GALNT13: variants seen among roughly 807,000 people sequenced by gnomAD.
The protein encoded by GALNT13 is UDP-GalNAc:polypeptide N-acetylgalactosaminyltransferase 13.
GALNT13 carries 28 observed loss-of-function variants against 64.2 expected under a neutral mutation model. That is an observed-to-expected ratio of 0.44 (90% CI 0.32 to 0.60). GALNT13 has a LOEUF of 0.60. Among genes scored for constraint, GALNT13 ranks in the 20% least tolerant of loss-of-function variants. The pLI is 0.05. For missense variants in GALNT13, 577 were observed against 669.8 expected, an observed-to-expected ratio of 0.86 and a Z score of 1.53; for synonymous variants, 214 against 224.6, an observed-to-expected ratio of 0.95 and a Z score of 0.42.
intron 9 of GALNT13, among the ~76,000 whole-genome samples, chr2:154,349,487 G>T (rs1395296679): frequency 6.6e-6 from 1 of 152,202 alleles, no homozygotes; most frequent in African/African-American, 2.4e-5. Context: ...AACTGGAAAA[G>T]TCAGAATGTT....
the GALNT13 span, among the ~76,000 whole-genome samples, chr2:153,331,367 G>T: frequency 1.3e-5 from 2 of 151,966 alleles, no homozygotes; most frequent in African/African-American, 2.4e-5. Context: ...AGTTCATCTG[G>T]TCTGGGGATT....
At chr2:154,107,751 C>T (rs952979061) in intron 3 of GALNT13, among the ~76,000 whole-genome samples, 2 of 152,022 alleles carry the variant, frequency 1.3e-5, no homozygotes, top group East Asian at 3.9e-4. Flanking sequence ...TGACCATCAA[C>T]TCCAATTCCC....
At chr2:154,025,070 G>A (rs1271463606) in intron 3 of GALNT13, among the ~76,000 whole-genome samples, 7 of 152,200 alleles carry the variant, frequency 4.6e-5, no homozygotes, top group African/African-American at 1.7e-4. Context: ...GCTCAGAGGA[G>A]TACCCAGCCG....
the GALNT13 span, among the ~76,000 whole-genome samples, chr2:153,482,127 C>A: frequency 1.3e-5 from 2 of 152,122 alleles, no homozygotes; most frequent in African/African-American, 2.4e-5. Context: ...CTTAGATTAT[C>A]CCTCCCCAAA....
At chr2:154,019,525 G>A (rs1382443788) in intron 3 of GALNT13, among the ~76,000 whole-genome samples, 4 of 150,494 alleles carry the variant, frequency 2.7e-5, no homozygotes, top group Non-Finnish European at 3.0e-5. Context: ...CAGGAGGATC[G>A]CTTGAACTTG....
At chr2:153,726,699 T>C in the GALNT13 span, among the ~76,000 whole-genome samples, 1 of 152,024 alleles carries the variant, frequency 6.6e-6, no homozygotes, top group Non-Finnish European at 1.5e-5. Context: ...CTCAGCACTT[T>C]GGGAGGCCGA....
chr2:153,345,639 C>CTTTCTTTCTTTCTTT, the GALNT13 span, among the ~76,000 whole-genome samples: 82 of 69,678 alleles, frequency 1.2e-3, no homozygotes, highest in African/African-American at 4.9e-3. Context: ...CTTTCTTTTT[C>CTTTCTTTCTTTCTTT]TTTCTTTCTT....
At chr2:153,649,770 C>T in the GALNT13 span, among the ~76,000 whole-genome samples, 66 of 152,042 alleles carry the variant, frequency 4.3e-4, no homozygotes, top group East Asian at 9.9e-3. Context: ...TATAGTTGAG[C>T]GGTTTTGAGT....
intron 4 of GALNT13, among the ~76,000 whole-genome samples, chr2:154,225,133 T>TAGATGAC (rs1459779313): frequency 0.018 from 1,835 of 101,094 alleles, 16 homozygotes; most frequent in African/African-American, 0.019. Flanking sequence ...GATAGATAGA[T>TAGATGAC]AGATAGATAG....
intron 9 of GALNT13, among the ~76,000 whole-genome samples, chr2:154,393,791 A>G (rs1698911207): frequency 6.6e-6 from 1 of 152,162 alleles, no homozygotes; most frequent in Admixed American, 6.6e-5. Flanking sequence ...ATAAAATGGT[A>G]TGCAAGGCCG....
At position 153,872,073 on chromosome 2, in the gene GALNT13, C is replaced by T. The variant is rs1445510021; in HGVS notation, c.-407C>T. 6.6e-6 allele frequency: 1 copy of T among 152,000 alleles called. No individual in the cohort carries two copies. The highest frequency in any genetic ancestry group is 1.5e-5 in the Non-Finnish European group (1 of 68,002). The allele number at this position is 152,000 out of a possible 1,614,324, so 9.4% of individuals were successfully genotyped here. ...ATGAAGGCCCCTCTCTGGGGCTGGC[C>T]GAGGCTGGAGCCGGCTCCCTCTGCT... is the stretch of plus-strand genomic sequence containing the variant. On this transcript the variant is annotated 5_prime_UTR_variant, in exon 1 of 13. Coordinates refer to ENST00000392825, the MANE Select transcript of GALNT13 (RefSeq NM_052917.4).
the GALNT13 span, among the ~76,000 whole-genome samples, chr2:153,638,439 A>T: frequency 8.1e-5 from 7 of 86,058 alleles, 3 homozygotes; most frequent in African/African-American, 2.4e-4. Flanking sequence ...GGATAGTAAT[A>T]GAAATAGTAA....
At chr2:153,159,389 A>G in the GALNT13 span, 1 of 152,326 alleles carries the variant, frequency 6.6e-6, no homozygotes, top group South Asian at 2.1e-4. Flanking sequence ...CCAGGATACC[A>G]TTGATTTGGA....
At chr2:153,619,684 T>G in the GALNT13 span, among the ~76,000 whole-genome samples, 1 of 152,138 alleles carries the variant, frequency 6.6e-6, no homozygotes, top group African/African-American at 2.4e-5. Context: ...TTATTTCTTC[T>G]TCATGTTTGA....
chr2:153,972,190 T>A (rs1693785913), intron 3 of GALNT13, among the ~76,000 whole-genome samples: 1 of 152,082 alleles, frequency 6.6e-6, no homozygotes, highest in Non-Finnish European at 1.5e-5. Context: ...ATGTTTCTGT[T>A]GTTTTTTTGC....
chr2:153,265,074 CT>C, the GALNT13 span, among the ~76,000 whole-genome samples: 4 of 152,164 alleles, frequency 2.6e-5, no homozygotes, highest in Non-Finnish European at 5.9e-5. Context: ...TTTACTGTCC[CT>C]TCTCTTCTTC....
At chr2:153,678,177 C>A in the GALNT13 span, among the ~76,000 whole-genome samples, 4 of 100,840 alleles carry the variant, frequency 4.0e-5, no homozygotes, top group African/African-American at 6.2e-5. Flanking sequence ...ATATATATAT[C>A]CAATATATCC....
chr2:154,149,892 C>G (rs1192656342), intron 4 of GALNT13, among the ~76,000 whole-genome samples: 1 of 152,174 alleles, frequency 6.6e-6, no homozygotes, highest in Non-Finnish European at 1.5e-5. Flanking sequence ...ATTTGACTTC[C>G]TCTTTTCCTA....
At chr2:153,327,801 C>T in the GALNT13 span, among the ~76,000 whole-genome samples, 10 of 151,970 alleles carry the variant, frequency 6.6e-5, no homozygotes, top group South Asian at 2.1e-4. Context: ...TCTGTCAATT[C>T]GTCAAACTCA....
Sources: allele counts gnomAD v4.1 joint callset (sites outside exome capture counted in the v4.1 genomes callset), GRCh38; gene constraint gnomAD v4.1.1; transcripts MANE v1.5; gene names NCBI Gene and HGNC (gene_info 2026-07-23, HGNC 2026-07-21).